Variants in OFD1 observed in about 807,000 individuals in gnomAD.
The protein encoded by OFD1 is centriole and centriolar satellite protein OFD1.
In OFD1, 12 loss-of-function variants were observed where a neutral mutation model predicts 81.4. That is an observed-to-expected ratio of 0.15 (90% confidence interval 0.09 to 0.24). The LOEUF is 0.24. Among genes scored for constraint, OFD1 ranks in the 10% least tolerant of loss-of-function variants. The probability of loss-of-function intolerance (pLI) is 1.00; values close to 1 mark genes in which losing one functional copy is unlikely to be tolerated. For missense variants in OFD1, 685 were observed against 733.9 expected (o/e 0.93, Z 0.77); for synonymous variants, 256 against 263.7 (o/e 0.97, Z 0.28).
intron 19 of OFD1, among the ~76,000 whole-genome samples, chrX:13,766,695 G>T (rs1001667562): frequency 1.8e-5 from 2 of 110,872 alleles, no homozygotes; most frequent in Non-Finnish European, 3.8e-5. Context: ...ACAGACTTGA[G>T]CATCTTTATG....
chrX:13,752,668 A>G (rs1418340389), intron 10 of OFD1: 2 of 964,879 alleles, frequency 2.1e-6, no homozygotes, highest in East Asian at 7.5e-5. Flanking sequence ...TTACATAGTT[A>G]TGGAGCTAGT....
Position 13,768,072 on chromosome X carries a change from C to T in OFD1, c.2776C>T (p.Leu926=), listed in dbSNP as rs2048200114. The T allele has an allele frequency of 8.5e-7, 1 of 1,171,312 alleles. No homozygotes were observed. Among genetic ancestry groups the T allele is most frequent in the Non-Finnish European group, 1.2e-6 (1 of 859,133 alleles). Reference sequence around the variant, plus strand: ...TTTATAGAAGATGATTGAAGAATCACTGAAGATTAAAATAAAAAAGGAATT... The same window carrying T: ...TTTATAGAAGATGATTGAAGAATCATTGAAGATTAAAATAAAAAAGGAATT... The part of the protein sequence containing the change: ...YQERKMIEES[L]KIKIKKELEM... The change falls in exon 21 of 23, where the codon CTG becomes TTG. Residue 926 remains leucine, a synonymous_variant. Coordinates refer to ENST00000340096, the MANE Select transcript of OFD1 (RefSeq NM_003611.3).
intron 3 of OFD1, among the ~76,000 whole-genome samples, chrX:13,737,517 A>G (rs1174460184): frequency 1.8e-5 from 2 of 109,910 alleles, no homozygotes; most frequent in African/African-American, 6.6e-5. Context: ...ATCTTGCATC[A>G]AGGTGGTACA....
downstream of OFD1, among the ~76,000 whole-genome samples, chrX:13,769,750 C>G (rs932447462): frequency 1.8e-5 from 2 of 111,561 alleles, no homozygotes; most frequent in African/African-American, 6.5e-5. Flanking sequence ...CCCTTTTGCC[C>G]TTGCACCATT....
intron 5 of OFD1, among the ~76,000 whole-genome samples, chrX:13,740,935 A>G (rs2047071725): frequency 5.4e-5 from 6 of 110,405 alleles, no homozygotes. Flanking sequence ...TCGGGAGAGC[A>G]AGACCATCCT....
intron 17 of OFD1, 78 bp downstream of exon 17, chrX:13,761,289 G>A (rs2047919426): frequency 1.1e-6 from 1 of 922,331 alleles, no homozygotes; most frequent in East Asian, 3.5e-5. Context: ...GTTTTACTGG[G>A]ATTTTTTTTT....
intron 5 of OFD1, among the ~76,000 whole-genome samples, chrX:13,743,771 T>A (rs1433141261): frequency 8.9e-6 from 1 of 111,934 alleles, no homozygotes; most frequent in Non-Finnish European, 1.9e-5. Context: ...TTTCTGATTT[T>A]TTTTTTTTAA....
At chrX:13,734,596 G>A, upstream of OFD1, 1 of 708,201 alleles carries the variant, frequency 1.4e-6, no homozygotes, top group Non-Finnish European at 1.8e-6. Flanking sequence ...CGAACCTGTA[G>A]CCAGAACGCC....
intron 5 of OFD1, among the ~76,000 whole-genome samples, chrX:13,741,039 C>T (rs547357764): frequency 3.6e-5 from 4 of 110,215 alleles, no homozygotes; most frequent in African/African-American, 1.0e-4. Context: ...ATTTGGGAGG[C>T]TGAGGCAGGG....
Position 13,746,788 on chromosome X carries a change from T to G in OFD1, c.663T>G (p.Phe221Leu). 1 of 1,198,746 alleles carries G rather than the reference T, an allele frequency of 8.3e-7. No homozygotes were observed. The highest frequency in any genetic ancestry group is 1.1e-6 in the Non-Finnish European group (1 of 885,696). ...LRAEMCQKLK[F>L]FKDTEIAKIK... The stretch of plus-strand genomic sequence containing the variant: ...TTGTGATCAATTTGCAGTTGAAGTT[T>G]TTTAAAGATACCGAGATAGCAAAAA... The change falls in exon 8 of 23, where the codon TTT becomes TTG. Residue 221 changes from phenylalanine (F) to leucine (L), a missense_variant. Phe to Leu is a conservative substitution (Grantham distance 22). Transcript: ENST00000340096.
chrX:13,763,644 C>A, intron 18 of OFD1, 101 bp from the exon 19 acceptor site: 1 of 649,881 alleles, frequency 1.5e-6, no homozygotes. Flanking sequence ...GTTACTTTGG[C>A]TTCAGTTCCC....
At chrX:13,755,751 T>G (rs928942760) in intron 12 of OFD1, among the ~76,000 whole-genome samples, 2 of 111,660 alleles carry the variant, frequency 1.8e-5, no homozygotes, top group African/African-American at 6.5e-5. Context: ...TTTACTTTTC[T>G]GTTCATTCGT....
intron 3 of OFD1, among the ~76,000 whole-genome samples, chrX:13,738,058 C>G (rs1157541206): frequency 9.0e-6 from 1 of 111,365 alleles, no homozygotes; most frequent in Non-Finnish European, 1.9e-5. Flanking sequence ...CCATGTTGGC[C>G]AGGCTGGTCT....
chrX:13,761,187 C>T lies in OFD1; in HGVS notation c.2363C>T (p.Ser788Phe). 1 of 1,211,090 alleles carries T rather than the reference C, an allele frequency of 8.3e-7. No individual in the cohort carries two copies. The change falls in exon 17 of 23, where the codon TCC becomes TTC. Residue 788 changes from serine (S) to phenylalanine (F), a missense_variant. Transcript: ENST00000340096. ...SRHSLSIPPV[S>F]SPPEQKVGLY... ...CACAGCCTCTCCATCCCTCCTGTCT[C>T]CAGCCCTCCGGAGCAGAAAGTGGGG... is the stretch of plus-strand genomic sequence containing the variant.
Position 13,746,435 on chromosome X carries a change from C to A in OFD1, c.634C>A (p.Arg212=). 1.7e-6 allele frequency: 2 copies of A among 1,209,654 alleles called. No individual in the cohort carries two copies. The highest frequency in any genetic ancestry group is 3.5e-5 in the South Asian group (2 of 56,945). The change falls in exon 7 of 23, where the codon CGG becomes AGG. Residue 212 remains arginine, a synonymous_variant. Coordinates refer to ENST00000340096, the MANE Select transcript of OFD1 (RefSeq NM_003611.3). ...EYKREIEEQL[R]AEMCQKLKFF... ...TAAGAGAGAAATAGAAGAGCAACTTCGGGCAGAAATGTGTCAAAAGGTAAG... is the reference window on the plus strand; with the variant it reads ...TAAGAGAGAAATAGAAGAGCAACTTAGGGCAGAAATGTGTCAAAAGGTAAG...
chrX:13,754,232 C>T (rs916662856), intron 11 of OFD1, among the ~76,000 whole-genome samples: 1 of 111,289 alleles, frequency 9.0e-6, no homozygotes, highest in South Asian at 3.7e-4. Context: ...CCGCCCGCCT[C>T]GGCCTCCCAA....
At chrX:13,765,738 G>C (rs1462282949) in intron 19 of OFD1, among the ~76,000 whole-genome samples, 1 of 111,895 alleles carries the variant, frequency 8.9e-6, no homozygotes, top group African/African-American at 3.3e-5. Context: ...CTCTGGGATT[G>C]GGGTCTAATT....
intron 3 of OFD1, 169 bp from the exon 4 acceptor site, chrX:13,738,677 A>G: frequency 2.4e-6 from 1 of 420,880 alleles, no homozygotes; most frequent in Non-Finnish European, 4.2e-6. Context: ...GTTTATAGTA[A>G]TTTATTTAAC....
In OFD1 at chrX:13,761,196, C is replaced by G. The variant is rs753498008; in HGVS notation, c.2372C>G (p.Pro791Arg). ...TCCATCCCTCCTGTCTCCAGCCCTCCGGAGCAGAAAGTGGGGTAAGTATAA... is the reference window on the plus strand; with the variant it reads ...TCCATCCCTCCTGTCTCCAGCCCTCGGGAGCAGAAAGTGGGGTAAGTATAA... ...SLSIPPVSSPPEQKVGLYRRQ... is the reference protein window; with the variant it reads ...SLSIPPVSSPREQKVGLYRRQ... The change falls in exon 17 of 23, where the codon CCG becomes CGG. Residue 791 changes from proline (P) to arginine (R), a missense_variant. By Grantham distance (103) the Pro-to-Arg change is moderately radical (BLOSUM62 -2). This residue lies in a region of OFD1 where 259 missense variants were observed against 254.4 expected (regional missense o/e 1.02). Coordinates refer to ENST00000340096, the MANE Select transcript of OFD1 (RefSeq NM_003611.3). 1 of 1,208,528 alleles carries G rather than the reference C, an allele frequency of 8.3e-7. No homozygotes were observed. Among genetic ancestry groups the G allele is most frequent in the Non-Finnish European group, 1.1e-6 (1 of 894,564 alleles).
Sources: gnomAD v4.1 joint callset for allele counts (sites outside exome capture counted in the v4.1 genomes callset) on GRCh38, gnomAD v4.1.1 for gene constraint, gnomAD v4.1.1 regional missense constraint, MANE v1.5 for transcripts, NCBI Gene and HGNC (gene_info 2026-07-23, HGNC 2026-07-21) for gene names.